GOLIM4: variants seen among roughly 807,000 people sequenced by gnomAD.
GOLIM4 encodes 130 kDa golgi-localized phosphoprotein.
Under a neutral mutation model 107.4 loss-of-function variants are expected in GOLIM4, and 71 were observed. The observed-to-expected ratio is 0.66, with a 90% confidence interval of 0.55 to 0.81. The LOEUF (loss-of-function observed/expected upper bound fraction) is 0.81. Ranked by LOEUF, GOLIM4 falls within the 30% of genes least tolerant of loss-of-function variation. The pLI is 0.00. For missense variants in GOLIM4, 830 were observed against 826.1 expected (o/e 1.00, Z -0.06); for synonymous variants, 327 against 294.8 (o/e 1.11, Z -1.12).
In GOLIM4 at chr3:168,048,483, A is replaced by C. The variant is rs575652163; in HGVS notation, c.188-118T>G. The C allele has an allele frequency of 1.2e-4, 73 of 600,480 alleles. No individual in the cohort carries two copies. In the South Asian group the frequency reaches 1.4e-3, roughly 12 times the overall value. 37.2% of individuals were successfully genotyped at this position (600,480 alleles called of 1,614,324 possible). A position where few individuals can be genotyped will look rare whatever the true frequency, so the allele number is the denominator to read the frequency against. ...GAGTCTTTACACAATTTAAATAAAA[A>C]CATATGTGTTTTAAGTTCCCCTTTC... On this transcript the variant is annotated intron_variant, in intron 1 of 15. Coordinates refer to ENST00000470487, the MANE Select transcript of GOLIM4 (RefSeq NM_014498.5).
intron 1 of GOLIM4, among the ~76,000 whole-genome samples, chr3:168,055,734 G>A (rs1439584547): frequency 2.7e-5 from 4 of 150,256 alleles, no homozygotes; most frequent in African/African-American, 4.9e-5. Flanking sequence ...CCCAGGAGGC[G>A]GAGCTTGCAG....
At chr3:168,025,985 T>C (rs1005620690) in intron 12 of GOLIM4, among the ~76,000 whole-genome samples, 4 of 152,200 alleles carry the variant, frequency 2.6e-5, no homozygotes, top group African/African-American at 7.2e-5. Context: ...AGGTCATCAA[T>C]AGGACACTTA....
At chr3:168,087,535 A>T (rs961343581) in intron 1 of GOLIM4, among the ~76,000 whole-genome samples, 1 of 152,184 alleles carries the variant, frequency 6.6e-6, no homozygotes, top group Non-Finnish European at 1.5e-5. Flanking sequence ...CATCTTTCAT[A>T]CCAGCAGCAA....
intron 1 of GOLIM4, among the ~76,000 whole-genome samples, chr3:168,059,642 A>G (rs1009613088): frequency 2.0e-5 from 3 of 152,242 alleles, no homozygotes; most frequent in Non-Finnish European, 2.9e-5. Flanking sequence ...TTTTATTCTC[A>G]CAGAGAGATA....
intron 1 of GOLIM4, among the ~76,000 whole-genome samples, chr3:168,052,450 G>A (rs1026059300): frequency 6.6e-6 from 1 of 151,490 alleles, no homozygotes; most frequent in African/African-American, 2.4e-5. Flanking sequence ...GACTTAAAAA[G>A]GCAATGACAT....
At chr3:168,079,889 T>C (rs902796138) in intron 1 of GOLIM4, among the ~76,000 whole-genome samples, 6 of 152,142 alleles carry the variant, frequency 3.9e-5, no homozygotes, top group African/African-American at 7.2e-5. Flanking sequence ...TTTTCTTAAA[T>C]AGATATTTCA....
chr3:168,029,119 G>A (rs1226983975), intron 11 of GOLIM4, 104 bp downstream of exon 11: 5 of 701,992 alleles, frequency 7.1e-6, no homozygotes, highest in South Asian at 2.0e-5. Flanking sequence ...TTGCACTTAG[G>A]TATGCATACA....
intron 1 of GOLIM4, among the ~76,000 whole-genome samples, chr3:168,053,317 G>C (rs1719756248): frequency 1.3e-5 from 2 of 152,194 alleles, no homozygotes; most frequent in African/African-American, 2.4e-5. Flanking sequence ...CTTAAACCAA[G>C]AGAGGGCAAT....
intron 1 of GOLIM4, among the ~76,000 whole-genome samples, chr3:168,068,520 T>C (rs1337457884): frequency 1.3e-5 from 2 of 152,156 alleles, no homozygotes. Context: ...AAACAATTTG[T>C]TCTTTTTTTC....
chr3:168,040,022 G>C (rs1718892993), intron 7 of GOLIM4, among the ~76,000 whole-genome samples: 1 of 152,174 alleles, frequency 6.6e-6, no homozygotes, highest in Non-Finnish European at 1.5e-5. Flanking sequence ...TTCCTGATGA[G>C]CATAGATCGT....
At chr3:168,024,678 G>A (rs2108221017) in intron 13 of GOLIM4, 84 bp from the exon 14 acceptor site, 1 of 1,158,234 alleles carries the variant, frequency 8.6e-7, no homozygotes, top group South Asian at 1.2e-5. Flanking sequence ...GAACAAGCAT[G>A]CCACCATGAA....
intron 1 of GOLIM4, among the ~76,000 whole-genome samples, chr3:168,063,164 C>T (rs1348192767): frequency 6.6e-6 from 1 of 152,116 alleles, no homozygotes; most frequent in Non-Finnish European, 1.5e-5. Flanking sequence ...CCAACACCAC[C>T]AAACTACTTA....
At chr3:168,090,592 T>C (rs899042909) in intron 1 of GOLIM4, among the ~76,000 whole-genome samples, 2 of 152,178 alleles carry the variant, frequency 1.3e-5, no homozygotes, top group Non-Finnish European at 2.9e-5. Flanking sequence ...TAGCACAACC[T>C]TTCTGGAAAA....
intron 14 of GOLIM4, among the ~76,000 whole-genome samples, chr3:168,023,889 A>C (rs1211764840): frequency 6.6e-6 from 1 of 151,736 alleles, no homozygotes; most frequent in African/African-American, 2.4e-5. Context: ...AACGCTACTT[A>C]TATCTAATTA....
At chr3:168,016,353 CACCAG>C (rs1419543158) in intron 14 of GOLIM4, among the ~76,000 whole-genome samples, 1 of 133,420 alleles carries the variant, frequency 7.5e-6, no homozygotes, top group Non-Finnish European at 1.5e-5. Context: ...TACCATCTCA[CACCAG>C]TTAGAATGGC....
In GOLIM4 at chr3:168,095,533, C is replaced by T. The variant is rs1341474202; in HGVS notation, c.-248G>A. 4.2e-6 allele frequency: 2 copies of T among 472,622 alleles called. No individual in the cohort carries two copies. The highest frequency in any genetic ancestry group is 4.2e-5 in the African/African-American group (2 of 47,498). 29.3% of individuals were successfully genotyped at this position (472,622 alleles called of 1,614,324 possible). On this transcript the variant is annotated 5_prime_UTR_variant, in exon 1 of 16. Transcript: ENST00000470487. ...TGCGAGGCTCGTTCTCCGCGAATGC[C>T]CGGGGCCGGGAGGAGGCCCTCCGCA...
At chr3:168,087,487 A>T (rs777536102) in intron 1 of GOLIM4, among the ~76,000 whole-genome samples, 2 of 152,214 alleles carry the variant, frequency 1.3e-5, no homozygotes, top group Non-Finnish European at 2.9e-5. Context: ...GGCAACATCT[A>T]CATGCCACAT....
At chr3:168,034,260 C>T (rs2108233946) in intron 8 of GOLIM4, among the ~76,000 whole-genome samples, 1 of 152,308 alleles carries the variant, frequency 6.6e-6, no homozygotes, top group Non-Finnish European at 1.5e-5. Flanking sequence ...TGTCATTTAT[C>T]TTCACAATAT....
At chr3:168,013,540 C>T (rs1717185244) in intron 14 of GOLIM4, among the ~76,000 whole-genome samples, 2 of 139,140 alleles carry the variant, frequency 1.4e-5, no homozygotes, top group East Asian at 3.9e-4. Context: ...CCAAGCGAAC[C>T]TAATAGACAT....
Sources: allele counts gnomAD v4.1 joint callset (sites outside exome capture counted in the v4.1 genomes callset), GRCh38; gene constraint gnomAD v4.1.1; transcripts MANE v1.5; gene names NCBI Gene and HGNC (gene_info 2026-07-23, HGNC 2026-07-21).